DCP2: variants seen among roughly 807,000 people sequenced by gnomAD.
The protein encoded by DCP2 is m7GpppN-mRNA hydrolase.
In DCP2, 30 loss-of-function variants were observed where a neutral mutation model predicts 56.1. That is an observed-to-expected ratio of 0.53 (90% CI 0.40 to 0.73). DCP2 has a LOEUF of 0.73. DCP2 is among the 30% of genes least tolerant of loss of function. The pLI is 0.00. For synonymous variants in DCP2, 197 were observed against 163.3 expected (o/e 1.21, Z -1.57); for missense variants, 533 against 502.7 (o/e 1.06, Z -0.58).
intron 10 of DCP2, among the ~76,000 whole-genome samples, chr5:113,011,599 T>A (rs989386700): frequency 6.6e-6 from 1 of 152,244 alleles, no homozygotes; most frequent in Non-Finnish European, 1.5e-5. Context: ...TTTTCTGTAA[T>A]ACTGTCTGTG....
chr5:112,999,030 T>C (rs1748998289), intron 4 of DCP2, among the ~76,000 whole-genome samples: 1 of 152,250 alleles, frequency 6.6e-6, no homozygotes, highest in African/African-American at 2.4e-5. Flanking sequence ...TTGCATTTAA[T>C]TGACACGTCT....
chr5:113,019,933 AT>A lies in DCP2; in HGVS notation c.*6450del, dbSNP rs1750036752. On this transcript the variant is annotated 3_prime_UTR_variant, in exon 11 of 11. Transcript: ENST00000389063. ...GCCTTTTGTCTAACCGAAATAGGGC[AT>A]ACAGATTAGTTTGGATGGGAAAGTG... The A allele has an allele frequency of 6.6e-6, 1 of 152,254 alleles. No individual in the cohort carries two copies. Among genetic ancestry groups the A allele is most frequent in the Non-Finnish European group, 1.5e-5 (1 of 68,026 alleles). The allele number at this position is 152,254 out of a possible 1,614,324, so 9.4% of individuals were successfully genotyped here. A position where few individuals can be genotyped will look rare whatever the true frequency, so the allele number is the denominator to read the frequency against.
chr5:112,991,245 T>C (rs913392283), intron 2 of DCP2, among the ~76,000 whole-genome samples: 1 of 152,216 alleles, frequency 6.6e-6, no homozygotes, highest in African/African-American at 2.4e-5. Flanking sequence ...TATTGAAGAA[T>C]TGAGAACCCT....
chr5:113,020,820 A>C lies in DCP2; in HGVS notation c.*7336A>C, dbSNP rs1561714931. The C allele has an allele frequency of 6.6e-6, 1 of 152,354 alleles. No homozygotes were observed. Among genetic ancestry groups the C allele is most frequent in the East Asian group, 1.9e-4 (1 of 5,194 alleles). 9.4% of individuals were successfully genotyped at this position (152,354 alleles called of 1,614,324 possible). ...CTTTTTGATGTAAATAATAGGTTAG[A>C]AACTAAAAGCCTTTTAATCTTACAA... is the stretch of plus-strand genomic sequence containing the variant. On this transcript the variant is annotated 3_prime_UTR_variant, in exon 11 of 11. Transcript: ENST00000389063.
chr5:112,977,965 T>C (rs1270869792), intron 1 of DCP2, among the ~76,000 whole-genome samples: 1 of 151,922 alleles, frequency 6.6e-6, no homozygotes, highest in Non-Finnish European at 1.5e-5. Flanking sequence ...GGGGTTTTTT[T>C]TGTTTGTTTG....
At chr5:113,009,143 C>T (rs1215410501) in intron 9 of DCP2, among the ~76,000 whole-genome samples, 1 of 152,174 alleles carries the variant, frequency 6.6e-6, no homozygotes, top group Non-Finnish European at 1.5e-5. Context: ...CCGCTCCCGG[C>T]CGACAGATAA....
chr5:112,985,277 G>A (rs916125702), intron 1 of DCP2, among the ~76,000 whole-genome samples: 1 of 151,918 alleles, frequency 6.6e-6, no homozygotes, highest in Admixed American at 6.6e-5. Flanking sequence ...AAAGAAATAT[G>A]TCTTTCCTTT....
chr5:112,995,691 A>C (rs548777030), intron 4 of DCP2, among the ~76,000 whole-genome samples: 8 of 152,180 alleles, frequency 5.3e-5, no homozygotes, highest in Non-Finnish European at 1.2e-4. Context: ...TGACTAAGGA[A>C]CTTTAATTTC....
rs557096661 is a variant in DCP2, at chr5:113,017,815, T to A, written c.*4331T>A. ...CATGGCCTAAGTGTAGTCATTCATA[T>A]ATATATGAATATCTATATCTATATC... On this transcript the variant is annotated 3_prime_UTR_variant, in exon 11 of 11. Transcript: ENST00000389063. The A allele has an allele frequency of 6.6e-6, 1 of 152,326 alleles. No homozygotes were observed. Among genetic ancestry groups the A allele is most frequent in the African/African-American group, 2.4e-5 (1 of 41,578 alleles). 9.4% of individuals were successfully genotyped at this position (152,326 alleles called of 1,614,324 possible).
chr5:112,985,426 A>G (rs11960923), intron 1 of DCP2, among the ~76,000 whole-genome samples: 2,588 of 152,284 alleles, frequency 0.017, 78 homozygotes, highest in African/African-American at 0.059. Context: ...TTCTTTTCCA[A>G]TATTTCTTGG....
rs987185497 is a variant in DCP2, at chr5:113,017,850, A to G, written c.*4366A>G. On this transcript the variant is annotated 3_prime_UTR_variant, in exon 11 of 11. Transcript: ENST00000389063. ...TATCTATATCTATATCTATACATATATATGTATCGCCATTATCGAGTGTTT... is the reference window on the plus strand; with the variant it reads ...TATCTATATCTATATCTATACATATGTATGTATCGCCATTATCGAGTGTTT... 1 of 152,176 alleles carries G rather than the reference A, an allele frequency of 6.6e-6. No individual in the cohort carries two copies. The highest frequency in any genetic ancestry group is 1.5e-5 in the Non-Finnish European group (1 of 68,024). The allele number at this position is 152,176 out of a possible 1,614,324, so 9.4% of individuals were successfully genotyped here. A position where few individuals can be genotyped will look rare whatever the true frequency, so the allele number is the denominator to read the frequency against.
chr5:113,007,863 A>C, intron 8 of DCP2, 75 bp from the exon 9 acceptor site: 1 of 1,313,062 alleles, frequency 7.6e-7, no homozygotes, highest in South Asian at 1.4e-5. Flanking sequence ...CCAGCTAAAC[A>C]TATTCATGGG....
At chr5:112,993,641 CA>C (rs75863144) in intron 4 of DCP2, among the ~76,000 whole-genome samples, 1,245 of 115,550 alleles carry the variant, frequency 0.011, 16 homozygotes, top group African/African-American at 0.032. Flanking sequence ...AAAAAAAAAC[CA>C]AAAAAAAAAA....
At chr5:112,997,902 C>T (rs1001538189) in intron 4 of DCP2, among the ~76,000 whole-genome samples, 24 of 152,022 alleles carry the variant, frequency 1.6e-4, no homozygotes, top group South Asian at 4.2e-4. Context: ...TGTGAGCCAC[C>T]GAGCCTGGCC....
At chr5:113,008,785 G>T (rs1328161591) in intron 9 of DCP2, among the ~76,000 whole-genome samples, 2 of 151,876 alleles carry the variant, frequency 1.3e-5, no homozygotes, top group Non-Finnish European at 2.9e-5. Flanking sequence ...GACAATCTTA[G>T]TAGATGATTA....
intron 9 of DCP2, among the ~76,000 whole-genome samples, chr5:113,008,958 C>T (rs12517398): frequency 0.4 from 60,542 of 151,754 alleles, 14,475 homozygotes; most frequent in East Asian, 0.64. Context: ...ATTCCCCTGT[C>T]TCAGCCTCCT....
rs572950695 is a variant in DCP2, at chr5:113,007,256, A to G, written c.943-682A>G. On this transcript the variant is annotated intron_variant, in intron 8 of 10. Transcript: ENST00000389063. ...TAACAATTGATTACTACATCTACCC[A>G]TTTTCTGCTTTAAGAACTGTAGCTA... is the stretch of plus-strand genomic sequence containing the variant. Among the ~76,000 whole-genome samples, 4 of 152,128 alleles carry G rather than the reference A, an allele frequency of 2.6e-5. No homozygotes were observed. In the East Asian group the frequency reaches 5.8e-4, roughly 22 times the overall value.
chr5:113,008,245 A>G (rs752963299), intron 9 of DCP2: 48 of 433,256 alleles, frequency 1.1e-4, no homozygotes, highest in Non-Finnish European at 1.6e-4. Flanking sequence ...TGTTGATGCA[A>G]TTGTACATCT....
intron 7 of DCP2, among the ~76,000 whole-genome samples, chr5:113,003,074 C>T (rs1021170917): frequency 6.6e-6 from 1 of 152,126 alleles, no homozygotes; most frequent in Admixed American, 6.5e-5. Flanking sequence ...CAGTAGCATT[C>T]CATTTTAGAT....
Sources: gnomAD v4.1 joint callset for allele counts (sites outside exome capture counted in the v4.1 genomes callset) on GRCh38, gnomAD v4.1.1 for gene constraint, MANE v1.5 for transcripts, NCBI Gene and HGNC (gene_info 2026-07-23, HGNC 2026-07-21) for gene names.